The following HMCN1 variants were observed in gnomAD, a reference collection of about 807,000 sequenced individuals.
The protein encoded by HMCN1 is hemicentin 1.
Under a neutral mutation model 625.9 loss-of-function variants are expected in HMCN1, and 321 were observed. The observed-to-expected ratio is 0.51, with a 90% CI of 0.47 to 0.56. HMCN1 has a LOEUF of 0.56. Among genes scored for constraint, HMCN1 ranks in the 20% least tolerant of loss-of-function variants. The probability of loss-of-function intolerance (pLI) is 0.00; values close to 1 mark genes in which losing one functional copy is unlikely to be tolerated. For missense variants in HMCN1, 6,588 were observed against 6,887.3 expected (o/e 0.96, Z 1.54); for synonymous variants, 2,425 against 2,417.6 (o/e 1.00, Z -0.09).
At chr1:186,163,806 T>A (rs556105458) in intron 97 of HMCN1, among the ~76,000 whole-genome samples, 1 of 152,344 alleles carries the variant, frequency 6.6e-6, no homozygotes, top group African/African-American at 2.4e-5. Flanking sequence ...AAACCTGCCA[T>A]GAGTCCTGTC....
rs914407394 is a variant in HMCN1, at chr1:185,919,690, C to T, written c.901-2689C>T. 9.2e-5 allele frequency among the ~76,000 whole-genome samples: 14 copies of T among 152,120 alleles called. No individual in the cohort carries two copies. The East Asian group carries it at 1.7e-3, about 19-fold the overall frequency. Reference sequence around the variant, plus strand: ...AATTCATTGAGATCATCATGAGAAACGCGTGGGGTAGCTGTAGAGTTTGGT... The same window carrying T: ...AATTCATTGAGATCATCATGAGAAATGCGTGGGGTAGCTGTAGAGTTTGGT... On this transcript the variant is annotated intron_variant, in intron 6 of 106. Transcript: ENST00000271588.
intron 1 of HMCN1, among the ~76,000 whole-genome samples, chr1:185,822,940 C>G (rs544814878): frequency 4.8e-4 from 73 of 152,122 alleles, no homozygotes; most frequent in African/African-American, 1.6e-3. Flanking sequence ...ACAAAATTAG[C>G]AAAATTTGAA....
At chr1:186,027,228 T>C (rs1486329115) in intron 36 of HMCN1, among the ~76,000 whole-genome samples, 1 of 152,084 alleles carries the variant, frequency 6.6e-6, no homozygotes, top group Non-Finnish European at 1.5e-5. Flanking sequence ...AGTTCTGTCA[T>C]TTATAAAGGG....
chr1:185,850,591 G>A (rs1409090838), intron 2 of HMCN1, among the ~76,000 whole-genome samples: 1 of 152,082 alleles, frequency 6.6e-6, no homozygotes, highest in African/African-American at 2.4e-5. Context: ...CATACTCCAT[G>A]ACTGCCTCTG....
chr1:186,107,529 A>G (rs1660666603), intron 70 of HMCN1, among the ~76,000 whole-genome samples: 2 of 152,238 alleles, frequency 1.3e-5, no homozygotes, highest in African/African-American at 2.4e-5. Context: ...GTACCTATAG[A>G]ATTTAACTTG....
intron 2 of HMCN1, among the ~76,000 whole-genome samples, chr1:185,850,165 C>G (rs1662079567): frequency 6.6e-6 from 1 of 152,102 alleles, no homozygotes; most frequent in African/African-American, 2.4e-5. Flanking sequence ...CTTTCAATAG[C>G]TGTTGAATAA....
intron 4 of HMCN1, among the ~76,000 whole-genome samples, chr1:185,904,352 T>G (rs1175612338): frequency 6.6e-6 from 1 of 151,840 alleles, no homozygotes. Flanking sequence ...TACAAAATGA[T>G]TGTTTTGGAA....
chr1:185,805,043 TG>T (rs1659075768), intron 1 of HMCN1, among the ~76,000 whole-genome samples: 1 of 152,156 alleles, frequency 6.6e-6, no homozygotes, highest in Non-Finnish European at 1.5e-5. Flanking sequence ...TAGTGGAAAA[TG>T]TATCTTGAAC....
Position 186,128,286 on chromosome 1 carries a change from T to G in HMCN1, c.12899T>G (p.Ile4300Ser). The change falls in exon 83 of 107, where the codon ATT becomes AGT. Residue 4300 changes from isoleucine to serine, a missense_variant. Physicochemically the swap from Ile to Ser is moderately radical, Grantham distance 142. Around this residue, in one of 3 missense-constraint regions of HMCN1, gnomAD observed 1,954 missense variants for 2,013.1 expected, o/e 0.97. Coordinates refer to ENST00000271588, the MANE Select transcript of HMCN1 (RefSeq NM_031935.3). ...ACATGGACCTTCAATAACAATATTATTCCAGGTTGGTCATTTAATTCTCAA... is the reference window on the plus strand; with the variant it reads ...ACATGGACCTTCAATAACAATATTAGTCCAGGTTGGTCATTTAATTCTCAA... The part of the protein sequence containing the change: ...KLTWTFNNNI[I>S]PAHFDSVNGH... 6.2e-7 allele frequency: 1 copy of G among 1,612,218 alleles called. No individual in the cohort carries two copies. Among genetic ancestry groups the G allele is most frequent in the Non-Finnish European group, 8.5e-7 (1 of 1,178,812 alleles).
intron 2 of HMCN1, among the ~76,000 whole-genome samples, chr1:185,852,916 T>C (rs1662250359): frequency 6.6e-6 from 1 of 152,082 alleles, no homozygotes; most frequent in Non-Finnish European, 1.5e-5. Flanking sequence ...TACTATTTCT[T>C]TTTATAAATG....
intron 11 of HMCN1, among the ~76,000 whole-genome samples, chr1:185,937,098 T>A (rs953298438): frequency 6.6e-6 from 1 of 152,184 alleles, no homozygotes; most frequent in Non-Finnish European, 1.5e-5. Flanking sequence ...TTAGAAGAAA[T>A]GGATGCTTTG....
intron 1 of HMCN1, among the ~76,000 whole-genome samples, chr1:185,738,748 A>G (rs1653772444): frequency 6.6e-6 from 1 of 152,226 alleles, no homozygotes; most frequent in South Asian, 2.1e-4. Flanking sequence ...GAAAATTTCA[A>G]AAGTTCTTTA....
At chr1:185,739,920 T>C (rs1653863518) in intron 1 of HMCN1, among the ~76,000 whole-genome samples, 1 of 151,936 alleles carries the variant, frequency 6.6e-6, no homozygotes. Context: ...GATCAAAGAC[T>C]TGAAGGAGGT....
At chr1:185,937,410 G>A (rs976801549) in intron 11 of HMCN1, among the ~76,000 whole-genome samples, 8 of 152,194 alleles carry the variant, frequency 5.3e-5, no homozygotes, top group Non-Finnish European at 8.8e-5. Flanking sequence ...ATCTACTCCT[G>A]TGAGCTTTTT....
At chr1:186,135,167 G>A (rs1361429363) in intron 86 of HMCN1, among the ~76,000 whole-genome samples, 5 of 152,114 alleles carry the variant, frequency 3.3e-5, no homozygotes, top group East Asian at 1.9e-4. Context: ...CAATATAGAC[G>A]TAAACATTCT....
chr1:185,925,335 C>A (rs936784493), intron 9 of HMCN1, 144 bp downstream of exon 9: 3 of 778,838 alleles, frequency 3.9e-6, no homozygotes, highest in Non-Finnish European at 6.5e-6. Flanking sequence ...GGACACAAAT[C>A]TGTGCCGTTG....
intron 1 of HMCN1, among the ~76,000 whole-genome samples, chr1:185,794,513 A>T (rs978649386): frequency 6.6e-6 from 1 of 151,680 alleles, no homozygotes; most frequent in Admixed American, 6.5e-5. Context: ...AAAAAAAGAG[A>T]ACTTGGAGTT....
At chr1:185,870,855 C>T (rs1398092834) in intron 4 of HMCN1, among the ~76,000 whole-genome samples, 1 of 152,110 alleles carries the variant, frequency 6.6e-6, no homozygotes. Context: ...AATATGTGCC[C>T]AACCCCTTCG....
chr1:186,016,323 A>G (rs1654366195), intron 32 of HMCN1, 84 bp downstream of exon 32: 1 of 1,308,478 alleles, frequency 7.6e-7, no homozygotes, highest in Non-Finnish European at 1.1e-6. Context: ...TTCATGCAAT[A>G]ATAAAACAAT....
Sources: allele counts gnomAD v4.1 joint callset (sites outside exome capture counted in the v4.1 genomes callset), GRCh38; gene constraint gnomAD v4.1.1; regional missense constraint gnomAD v4.1.1; transcripts MANE v1.5; gene names NCBI Gene and HGNC (gene_info 2026-07-23, HGNC 2026-07-21).